Variants in TULP4 observed in about 807,000 individuals in gnomAD.
The protein encoded by TULP4 is tubby-related protein 4.
In TULP4, 16 loss-of-function variants were observed where a neutral mutation model predicts 129.0. The observed-to-expected ratio is 0.12, with a 90% CI of 0.08 to 0.19. The LOEUF (loss-of-function observed/expected upper bound fraction) is 0.19, where lower values mean the gene tolerates loss of function less well. Among genes scored for constraint, TULP4 ranks in the 10% least tolerant of loss-of-function variants. TULP4 has a pLI of 1.00. For missense variants in TULP4, 1,842 were observed against 2,059.1 expected (o/e 0.89, Z 2.04); for synonymous variants, 998 against 854.0 (o/e 1.17, Z -2.94).
At position 158,401,573 on chromosome 6, in the gene TULP4, T is replaced by C. The variant is rs567879143; in HGVS notation, c.253-11492T>C. Among the ~76,000 whole-genome samples, 7 of 151,618 alleles carry C rather than the reference T, an allele frequency of 4.6e-5. No homozygotes were observed. The East Asian group carries it at 1.4e-3, about 30-fold the overall frequency. ...AAAAATGGAGTTGTGCCGAGCCTCT[T>C]TCATCTGGAAGCACTGCAGAAAACC... On this transcript the variant is annotated intron_variant, in intron 1 of 13. Transcript: ENST00000367097.
At chr6:158,289,991 A>G (rs827864) in intron 1 of TULP4, among the ~76,000 whole-genome samples, 46,481 of 151,914 alleles carry the variant, frequency 0.31, 7,396 homozygotes, top group Middle Eastern at 0.38. Context: ...ACTGGAGTGT[A>G]GTGGCGTGAT....
At chr6:158,364,797 C>A (rs1195643472) in intron 1 of TULP4, among the ~76,000 whole-genome samples, 1 of 152,014 alleles carries the variant, frequency 6.6e-6, no homozygotes, top group Non-Finnish European at 1.5e-5. Flanking sequence ...AGTGCAGTGG[C>A]GTGATCTTGG....
chr6:158,287,277 G>A (rs955990633), intron 1 of TULP4, among the ~76,000 whole-genome samples: 2 of 152,088 alleles, frequency 1.3e-5, no homozygotes, highest in Admixed American at 6.5e-5. Context: ...TATTTCTGTC[G>A]TGGCAGTAAA....
rs1778791508 is a variant in TULP4 at position 158,283,468 on chromosome 6, T to C, written n.116+1090T>C. On this transcript the variant is annotated intron_variant and non_coding_transcript_variant, in intron 1 of 1. Transcript: ENST00000432358. ...GCTTGTGCTCTGAATCTTAGCACTT[T>C]ACAGCAGGCAGAGCACAGCGTCCCC... is the stretch of plus-strand genomic sequence containing the variant. 2.0e-5 allele frequency among the ~76,000 whole-genome samples: 3 copies of C among 152,210 alleles called. No homozygotes were observed. The South Asian group carries it at 6.2e-4, about 32-fold the overall frequency.
chr6:158,390,842 G>A (rs977703736), intron 1 of TULP4, among the ~76,000 whole-genome samples: 5 of 152,188 alleles, frequency 3.3e-5, no homozygotes, highest in Admixed American at 3.3e-4. Flanking sequence ...AGTGGCTCAC[G>A]CCTGTAATCC....
intron 5 of TULP4, among the ~76,000 whole-genome samples, chr6:158,453,509 A>AAAAAAAAAAG (rs71030172): frequency 7.8e-6 from 1 of 128,200 alleles, no homozygotes; most frequent in African/African-American, 3.1e-5. Context: ...AAAAAAAAAA[A>AAAAAAAAAAG]GCCGGGCACG....
chr6:158,481,357 C>T (rs779368589), intron 8 of TULP4, 68 bp downstream of exon 8: 1 of 1,412,096 alleles, frequency 7.1e-7, no homozygotes, highest in Non-Finnish European at 9.8e-7. Context: ...CGCCTTACAC[C>T]CCATGCAAAG....
At chr6:158,495,349 G>T (rs1780311843) in intron 11 of TULP4, among the ~76,000 whole-genome samples, 1 of 152,092 alleles carries the variant, frequency 6.6e-6, no homozygotes. Flanking sequence ...CATCACGCCT[G>T]GTCGCCAGCG....
intron 3 of TULP4, among the ~76,000 whole-genome samples, chr6:158,448,444 CTAT>C (rs778896762): frequency 1.3e-5 from 2 of 152,178 alleles, no homozygotes; most frequent in African/African-American, 2.4e-5. Flanking sequence ...TACATTAATA[CTAT>C]TATTATTCTC....
In TULP4 at chr6:158,395,670, G is replaced by GGGGGCGGC. The variant is rs770164209; in HGVS notation, c.253-17391_253-17390insCGGCGGGG. 7.5e-5 allele frequency among the ~76,000 whole-genome samples: 6 copies of GGGGGCGGC among 80,032 alleles called. No homozygotes were observed. In the East Asian group the frequency reaches 3.7e-3, roughly 49 times the overall value. 52.5% of individuals were successfully genotyped at this position (80,032 alleles called of 152,430 possible). On this transcript the variant is annotated intron_variant, in intron 1 of 13. Transcript: ENST00000367097. ...TGGCCCTGAGGTAAAGTGATGGGCG[G>GGGGGCGGC]GGGGGGGGTCATGGCAGAAGCACCT...
chr6:158,422,920 G>A (rs969964911), intron 2 of TULP4, among the ~76,000 whole-genome samples: 1 of 152,244 alleles, frequency 6.6e-6, no homozygotes, highest in African/African-American at 2.4e-5. Flanking sequence ...GCCGGAAGGC[G>A]CCCGAATCGC....
intron 1 of TULP4, among the ~76,000 whole-genome samples, chr6:158,322,413 C>A (rs528089620): frequency 6.6e-6 from 1 of 152,044 alleles, no homozygotes; most frequent in African/African-American, 2.4e-5. Context: ...TTAGTTTACT[C>A]AAGTCAGTAG....
intron 1 of TULP4, among the ~76,000 whole-genome samples, chr6:158,303,891 C>G (rs1779170408): frequency 6.6e-6 from 1 of 152,192 alleles, no homozygotes; most frequent in South Asian, 2.1e-4. Flanking sequence ...TCTCCAGTCT[C>G]TAACGTTAAT....
chr6:158,479,623 C>A, intron 6 of TULP4, 128 bp from the exon 7 acceptor site: 1 of 830,536 alleles, frequency 1.2e-6, no homozygotes, highest in Non-Finnish European at 1.9e-6. Flanking sequence ...ACATTCTCTA[C>A]TGTGCTTTTA....
intron 3 of TULP4, among the ~76,000 whole-genome samples, chr6:158,437,224 A>G (rs750993708): frequency 2.3e-4 from 35 of 152,242 alleles, no homozygotes; most frequent in Non-Finnish European, 4.3e-4. Flanking sequence ...ATTTAAAAGA[A>G]TATTTTAGTA....
intron 9 of TULP4, among the ~76,000 whole-genome samples, chr6:158,490,225 G>A (rs963642479): frequency 1.2e-4 from 18 of 152,082 alleles, no homozygotes; most frequent in Non-Finnish European, 2.1e-4. Flanking sequence ...GTGAAACCCC[G>A]TCCCTACTAA....
intron 1 of TULP4, among the ~76,000 whole-genome samples, chr6:158,365,693 G>C (rs755888647): frequency 6.6e-6 from 1 of 151,486 alleles, no homozygotes; most frequent in African/African-American, 2.4e-5. Flanking sequence ...ATAGGGTCTC[G>C]ATCTCCTGAC....
intron 8 of TULP4, 142 bp downstream of exon 8, chr6:158,481,431 C>A (rs1583924563): frequency 2.7e-6 from 2 of 741,540 alleles, no homozygotes; most frequent in Non-Finnish European, 4.7e-6. Flanking sequence ...GAAGCTACGA[C>A]ATTTCCAGAA....
intron 5 of TULP4, among the ~76,000 whole-genome samples, chr6:158,459,821 G>A (rs1318613397): frequency 2.0e-5 from 3 of 152,034 alleles, no homozygotes; most frequent in East Asian, 1.9e-4. Flanking sequence ...TCACCTTTTG[G>A]TTTCCTTGTG....
Sources: gnomAD v4.1 joint callset for allele counts (sites outside exome capture counted in the v4.1 genomes callset) on GRCh38, gnomAD v4.1.1 for gene constraint, MANE v1.5 for transcripts, NCBI Gene and HGNC (gene_info 2026-07-23, HGNC 2026-07-21) for gene names.